VPS13D: variants seen among roughly 807,000 people sequenced by gnomAD.
VPS13D encodes intermembrane lipid transfer protein VPS13D.
In VPS13D, 187 loss-of-function variants were observed where a neutral mutation model predicts 461.9. That is an observed-to-expected ratio of 0.40 (90% CI 0.36 to 0.46). VPS13D has a LOEUF of 0.46. Among genes scored for constraint, VPS13D ranks in the 20% least tolerant of loss-of-function variants. The pLI, the probability that VPS13D is intolerant of heterozygous loss-of-function variation, is 0.60. For synonymous variants in VPS13D, 1,951 were observed against 1,986.3 expected (o/e 0.98, Z 0.47); for missense variants, 4,711 against 5,364.9 (o/e 0.88, Z 3.81).
chr1:12,381,946 CTT>C, intron 57 of VPS13D, among the ~76,000 whole-genome samples: 1 of 132,782 alleles, frequency 7.5e-6, no homozygotes, highest in South Asian at 2.6e-4. Context: ...TTCTTTCTTT[CTT>C]TCTTTCTTTC....
At chr1:12,385,906 C>A (rs1644344838) in intron 59 of VPS13D, among the ~76,000 whole-genome samples, 1 of 152,100 alleles carries the variant, frequency 6.6e-6, no homozygotes, top group African/African-American at 2.4e-5. Flanking sequence ...AATTAGATTT[C>A]TATAATGAAA....
intron 1 of VPS13D, among the ~76,000 whole-genome samples, chr1:12,231,771 T>C (rs1639981141): frequency 1.1e-4 from 16 of 152,170 alleles, no homozygotes; most frequent in Non-Finnish European, 2.1e-4. Flanking sequence ...GGCAGATCGC[T>C]TAAGGTCAGG....
intron 18 of VPS13D, among the ~76,000 whole-genome samples, chr1:12,273,609 G>C (rs1372264303): frequency 3.3e-5 from 5 of 152,056 alleles, no homozygotes; most frequent in Non-Finnish European, 7.4e-5. Flanking sequence ...TCTGTCTCTG[G>C]ATTTGTCTGT....
intron 16 of VPS13D, among the ~76,000 whole-genome samples, chr1:12,269,938 G>C (rs1641385052): frequency 6.6e-6 from 1 of 152,102 alleles, no homozygotes; most frequent in South Asian, 2.1e-4. Flanking sequence ...CTTGAGCCCA[G>C]GAGTTTGAGA....
chr1:12,474,036 G>C (rs1364447469), intron 67 of VPS13D, among the ~76,000 whole-genome samples: 1 of 152,128 alleles, frequency 6.6e-6, no homozygotes, highest in Non-Finnish European at 1.5e-5. Context: ...CTCTGGGTTC[G>C]AGCAGAGTTC....
intron 6 of VPS13D, 53 bp from the exon 7 acceptor site, chr1:12,253,669 A>G: frequency 7.3e-7 from 1 of 1,364,432 alleles, no homozygotes; most frequent in Non-Finnish European, 1.0e-6. Flanking sequence ...AATGAATGAC[A>G]TTCACGAATA....
chr1:12,257,030 G>C lies in VPS13D; in HGVS notation c.884G>C (p.Arg295Pro), dbSNP rs749080570. 1.2e-6 allele frequency: 2 copies of C among 1,614,164 alleles called. No homozygotes were observed. Among genetic ancestry groups the C allele is most frequent in the Non-Finnish European group, 1.7e-6 (2 of 1,180,026 alleles). The stretch of plus-strand genomic sequence containing the variant: ...ATGGAATTCCTCAAGGAGCTGGAAC[G>C]AAAGGAGAGGCAGGTGAAGTTCCGA... ...QIMEFLKELE[R>P]KERQVKFRRW... Residue 295 changes from arginine to proline, a missense_variant, in exon 9 of 70, where the codon CGA becomes CCA. By Grantham distance (103) the Arg-to-Pro change is moderately radical (BLOSUM62 -2). Transcript: ENST00000620676.
intron 23 of VPS13D, among the ~76,000 whole-genome samples, chr1:12,291,357 G>A (rs895415474): frequency 3.3e-5 from 5 of 152,134 alleles, no homozygotes; most frequent in Non-Finnish European, 7.4e-5. Context: ...AGTTAGGTGC[G>A]GTGGGTCATG....
chr1:12,410,099 T>C (rs150966910), intron 63 of VPS13D, among the ~76,000 whole-genome samples: 1 of 152,328 alleles, frequency 6.6e-6, no homozygotes, highest in African/African-American at 2.4e-5. Context: ...AGGGCTAATA[T>C]CTTACAGAGA....
intron 65 of VPS13D, among the ~76,000 whole-genome samples, chr1:12,444,470 C>CTTT (rs967233338): frequency 6.6e-6 from 1 of 151,986 alleles, no homozygotes; most frequent in Non-Finnish European, 1.5e-5. Flanking sequence ...TTTCTGCCCC[C>CTTT]TTTTTTTTCT....
intron 31 of VPS13D, among the ~76,000 whole-genome samples, chr1:12,318,912 G>A (rs953859947): frequency 1.3e-5 from 2 of 152,110 alleles, no homozygotes; most frequent in South Asian, 4.1e-4. Flanking sequence ...AGCACAATGC[G>A]TTTTACATGA....
rs1557484894 is a variant in VPS13D, at chr1:12,507,038, C to A, written c.12980C>A (p.Ala4327Asp). ...GKVYVQVTKKAVSTSSGVSIP... is the reference protein window; with the variant it reads ...GKVYVQVTKKDVSTSSGVSIP... ...GTGTATGTGCAGGTGACCAAGAAAG[C>A]CGTGAGCACGAGCAGTGGAGTGTCC... Residue 4327 changes from alanine (A) to aspartate (D), a missense_variant, in exon 69 of 70, where the codon GCC becomes GAC. By Grantham distance (126) the Ala-to-Asp change is moderately radical (BLOSUM62 -2). Around this residue, in one of 3 missense-constraint regions of VPS13D, gnomAD observed 194 missense variants for 220.9 expected, o/e 0.88. Transcript: ENST00000620676. This position sits in a 1 kb window ranked among gnomAD's most constrained non-coding sequence, Gnocchi z 5.3. 6.2e-7 allele frequency: 1 copy of A among 1,614,260 alleles called. No homozygotes were observed. The highest frequency in any genetic ancestry group is 1.7e-5 in the Admixed American group (1 of 60,032).
intron 63 of VPS13D, among the ~76,000 whole-genome samples, chr1:12,412,842 C>T (rs1570122113): frequency 6.6e-6 from 1 of 152,092 alleles, no homozygotes; most frequent in African/African-American, 2.4e-5. Context: ...TAAAAGACAC[C>T]ATTTAAAGAG....
At chr1:12,291,627 C>T (rs867743135) in intron 23 of VPS13D, among the ~76,000 whole-genome samples, 1 of 152,072 alleles carries the variant, frequency 6.6e-6, no homozygotes, top group Non-Finnish European at 1.5e-5. Flanking sequence ...TGTCTCAACA[C>T]ACACACGCAC....
chr1:12,383,484 C>G (rs954283939), intron 58 of VPS13D, among the ~76,000 whole-genome samples: 1 of 151,988 alleles, frequency 6.6e-6, no homozygotes, highest in Admixed American at 6.5e-5. Flanking sequence ...ACATTAACAA[C>G]AAGAAGATAT....
chr1:12,395,996 GATATATATATATATATAT>G (rs58476786), intron 60 of VPS13D, among the ~76,000 whole-genome samples: 18 of 73,770 alleles, frequency 2.4e-4, no homozygotes, highest in Middle Eastern at 6.8e-3. Flanking sequence ...ACTAATAGGA[GATATATATATATATATAT>G]ATATATATAT....
rs138767818 is a variant in VPS13D, at chr1:12,405,093, G to A, written c.12030+1120G>A. Among the ~76,000 whole-genome samples, 187 of 152,364 alleles carry A rather than the reference G, an allele frequency of 1.2e-3. 1 individual carries two copies. The highest frequency in any genetic ancestry group is 2.2e-3 in the Non-Finnish European group (151 of 68,042). The stretch of plus-strand genomic sequence containing the variant: ...CCTAACGTAGATGCCCGCAGGAGCT[G>A]CGCTGGCGATGCAGCGAGTGGAGCT... On this transcript the variant is annotated intron_variant, in intron 63 of 69. Coordinates refer to ENST00000620676, the MANE Select transcript of VPS13D (RefSeq NM_015378.4).
chr1:12,304,140 A>G (rs1017530133), intron 25 of VPS13D, among the ~76,000 whole-genome samples: 1 of 152,250 alleles, frequency 6.6e-6, no homozygotes, highest in Non-Finnish European at 1.5e-5. Flanking sequence ...AAGCAAAGCA[A>G]CAAACTGTCA....
Position 12,403,924 on chromosome 1 carries a change from A to G in VPS13D, c.11981A>G (p.Gln3994Arg). 1.2e-6 allele frequency: 2 copies of G among 1,613,680 alleles called. No individual in the cohort carries two copies. The highest frequency in any genetic ancestry group is 8.5e-7 in the Non-Finnish European group (1 of 1,179,918). The stretch of plus-strand genomic sequence containing the variant: ...GAAAATCTCAAAATCAGCATTCCTC[A>G]GATCAAGCTAAGTGTGTTCACCTCC... ...YFENLKISIP[Q>R]IKLSVFTSNK... Residue 3994 changes from glutamine to arginine, a missense_variant, in exon 63 of 70, where the codon CAG becomes CGG. Coordinates refer to ENST00000620676, the MANE Select transcript of VPS13D (RefSeq NM_015378.4).
Sources: gnomAD v4.1 joint callset for allele counts (sites outside exome capture counted in the v4.1 genomes callset) on GRCh38, gnomAD v4.1.1 for gene constraint, gnomAD v4.1.1 regional missense constraint, Gnocchi (gnomAD v3.1) non-coding constraint, MANE v1.5 for transcripts, NCBI Gene and HGNC (gene_info 2026-07-23, HGNC 2026-07-21) for gene names.